The following TRIM59 variants were observed in gnomAD, a reference collection of about 807,000 sequenced individuals.
The protein encoded by TRIM59 is tripartite motif containing 59.
In TRIM59, 14 loss-of-function variants were observed where a neutral mutation model predicts 32.2. The ratio of observed to expected loss-of-function variants is 0.43; its 90% CI spans 0.29 to 0.68. The LOEUF (loss-of-function observed/expected upper bound fraction) is 0.68. Ranked by LOEUF, TRIM59 falls within the 30% of genes least tolerant of loss-of-function variation. TRIM59 has a pLI of 0.15. For synonymous variants in TRIM59, 163 were observed against 155.1 expected, an observed-to-expected ratio of 1.05 and a Z score of -0.38; for missense variants, 471 against 463.3, an observed-to-expected ratio of 1.02 and a Z score of -0.15.
At position 160,437,801 on chromosome 3, in the gene TRIM59, C is replaced by G. The variant is rs1719053880; in HGVS notation, c.*171G>C. On this transcript the variant is annotated 3_prime_UTR_variant, in exon 3 of 3. Coordinates refer to ENST00000309784, the MANE Select transcript of TRIM59 (RefSeq NM_173084.3). The stretch of plus-strand genomic sequence containing the variant: ...CTGTTTCCCAAAGATTTGACTATTT[C>G]AGATATAACTTTGACATATCATTGC... The G allele has an allele frequency of 8.0e-7, 1 of 1,255,554 alleles. No homozygotes were observed. Among genetic ancestry groups the G allele is most frequent in the Non-Finnish European group, 1.0e-6 (1 of 1,002,378 alleles). 77.8% of individuals were successfully genotyped at this position (1,255,554 alleles called of 1,614,324 possible). A position where few individuals can be genotyped will look rare whatever the true frequency, so the allele number is the denominator to read the frequency against.
intron 2 of TRIM59, among the ~76,000 whole-genome samples, chr3:160,442,558 GA>G (rs879824298): frequency 8.7e-4 from 121 of 139,050 alleles, no homozygotes; most frequent in East Asian, 7.3e-3. Flanking sequence ...TCAAAAAAAG[GA>G]AAAAAAAAAA....
At chr3:160,445,256 A>C (rs1296772880) in intron 2 of TRIM59, among the ~76,000 whole-genome samples, 1 of 152,084 alleles carries the variant, frequency 6.6e-6, no homozygotes, top group South Asian at 2.1e-4. Context: ...CTCTACAAAA[A>C]ATAAAAAACT....
In TRIM59 at chr3:160,448,718, T is replaced by C; in HGVS notation, c.-4+8A>G. 7.9e-7 allele frequency: 1 copy of C among 1,271,888 alleles called. No homozygotes were observed. The highest frequency in any genetic ancestry group is 1.0e-6 in the Non-Finnish European group (1 of 974,690). The allele number at this position is 1,271,888 out of a possible 1,614,324, so 78.8% of individuals were successfully genotyped here. ...TTTCATATTTATTTAATCTCCCAGA[T>C]TACCTACTTTGTTGATCTCGTGGTT... is the stretch of plus-strand genomic sequence containing the variant. On this transcript the variant is annotated splice_region_variant and intron_variant, in intron 2 of 2. Transcript: ENST00000309784.
Position 160,438,606 on chromosome 3 carries a change from T to C in TRIM59, c.578A>G (p.Asn193Ser), listed in dbSNP as rs1719096049. Residue 193 changes from asparagine to serine, a missense_variant, in exon 3 of 3, where the codon AAT becomes AGT. Transcript: ENST00000309784. Reference protein sequence around the residue: ...EAVLQYFKELNDTLEQKKKSF... With the variant: ...EAVLQYFKELSDTLEQKKKSF... ...TTTTTTTTTCTGTTCTAATGTATCA[T>C]TAAGCTCCTTAAAATACTGGAGAAC... 1.2e-6 allele frequency: 2 copies of C among 1,612,204 alleles called. No individual in the cohort carries two copies. The highest frequency in any genetic ancestry group is 8.5e-7 in the Non-Finnish European group (1 of 1,179,580).
At position 160,435,938 on chromosome 3, in the gene TRIM59, A is replaced by T. The variant is rs1014212460; in HGVS notation, c.*2034T>A. On this transcript the variant is annotated 3_prime_UTR_variant, in exon 3 of 3. Transcript: ENST00000309784. ...ATATTCACATCACAGAAATGAGATT[A>T]AGTAGTTTAACACATAATGGCTAAC... is the stretch of plus-strand genomic sequence containing the variant. 5.5e-6 allele frequency: 7 copies of T among 1,284,158 alleles called. No individual in the cohort carries two copies. The African/African-American group carries it at 9.1e-5, about 17-fold the overall frequency. 79.5% of individuals were successfully genotyped at this position (1,284,158 alleles called of 1,614,324 possible).
intron 2 of TRIM59, 50 bp from the exon 3 acceptor site, chr3:160,439,236 A>G (rs1395116228): frequency 7.2e-7 from 1 of 1,392,272 alleles, no homozygotes; most frequent in Non-Finnish European, 9.4e-7. Context: ...ACCTGTACAT[A>G]TTATTTAACA....
intron 2 of TRIM59, among the ~76,000 whole-genome samples, chr3:160,442,243 C>T (rs2108517534): frequency 6.6e-6 from 1 of 152,238 alleles, no homozygotes; most frequent in East Asian, 1.9e-4. Context: ...TAGGGAACAA[C>T]TCTGAGAATG....
intron 2 of TRIM59, among the ~76,000 whole-genome samples, chr3:160,441,338 A>C (rs1425141951): frequency 6.6e-6 from 1 of 152,220 alleles, no homozygotes; most frequent in African/African-American, 2.4e-5. Flanking sequence ...GCTTCAATGA[A>C]CAAATGCCTT....
intron 2 of TRIM59, among the ~76,000 whole-genome samples, chr3:160,443,124 G>GA (rs139762075): frequency 2.1e-3 from 308 of 148,030 alleles, no homozygotes; most frequent in African/African-American, 6.5e-3. Flanking sequence ...GCCTTTTTTA[G>GA]AAAAAAAAAA....
intron 2 of TRIM59, among the ~76,000 whole-genome samples, chr3:160,445,795 T>A (rs947010987): frequency 4.8e-5 from 7 of 145,108 alleles, no homozygotes; most frequent in Non-Finnish European, 1.1e-4. Context: ...AAAAAAAAAA[T>A]TGCTAGAACT....
intron 2 of TRIM59, among the ~76,000 whole-genome samples, chr3:160,441,212 T>G (rs1002189457): frequency 3.9e-5 from 6 of 152,206 alleles, no homozygotes; most frequent in African/African-American, 1.2e-4. Context: ...TTTTGTAACT[T>G]TTCTGTATAC....
intron 2 of TRIM59, among the ~76,000 whole-genome samples, chr3:160,448,106 C>G (rs1719626992): frequency 6.6e-6 from 1 of 152,020 alleles, no homozygotes; most frequent in Non-Finnish European, 1.5e-5. Flanking sequence ...ATTTTGATAT[C>G]AACCTGTTTC....
chr3:160,440,904 C>T lies in TRIM59; in HGVS notation c.-3-1718G>A, dbSNP rs780378470. 4.6e-5 allele frequency among the ~76,000 whole-genome samples: 7 copies of T among 151,970 alleles called. No homozygotes were observed. In the South Asian group the frequency reaches 8.3e-4, roughly 18 times the overall value. ...CATCTGGACAACAAGAGCGAAACTC[C>T]GTCTCAAAAAAAATAAACACCCAAG... On this transcript the variant is annotated intron_variant, in intron 2 of 2. Coordinates refer to ENST00000309784, the MANE Select transcript of TRIM59 (RefSeq NM_173084.3).
rs779778804 is a variant in TRIM59, at chr3:160,438,019, T to C, written c.1165A>G (p.Ile389Val). ...ACAAATTCCTTCAACAAATAGAAAA[T>C]GTGACACAGTATATTCTTTACCTTA... ...LHKVKNILCH[I>V]FYLLKEFVWK... Residue 389 changes from isoleucine to valine, a missense_variant, in exon 3 of 3, where the codon ATT becomes GTT. Transcript: ENST00000309784. 2.6e-5 allele frequency: 41 copies of C among 1,565,092 alleles called. No individual in the cohort carries two copies. In the South Asian group the frequency reaches 3.7e-4, roughly 14 times the overall value.
chr3:160,437,473 T>G lies in TRIM59; in HGVS notation c.*499A>C. ...AATCTATCTCAAACACAGGTATGTTTGATCAAAAGATCTTTAAGCCATGCC... is the reference window on the plus strand; with the variant it reads ...AATCTATCTCAAACACAGGTATGTTGGATCAAAAGATCTTTAAGCCATGCC... On this transcript the variant is annotated 3_prime_UTR_variant, in exon 3 of 3. Transcript: ENST00000309784. 1.0e-6 allele frequency: 1 copy of G among 985,458 alleles called. No homozygotes were observed. Among genetic ancestry groups the G allele is most frequent in the Non-Finnish European group, 1.2e-6 (1 of 829,920 alleles). 61.0% of individuals were successfully genotyped at this position (985,458 alleles called of 1,614,324 possible). A position where few individuals can be genotyped will look rare whatever the true frequency, so the allele number is the denominator to read the frequency against.
chr3:160,449,667 A>G, intron 1 of TRIM59, 50 bp downstream of exon 1: 2 of 1,289,704 alleles, frequency 1.6e-6, no homozygotes, highest in Non-Finnish European at 1.0e-6. Flanking sequence ...AGGAAAAGAA[A>G]AAGGACTCAG....
At position 160,437,010 on chromosome 3, in the gene TRIM59, AAAAC is replaced by A. The variant is rs535037015; in HGVS notation, c.*958_*961del. 195 of 985,238 alleles carry A rather than the reference AAAAC, an allele frequency of 2.0e-4. No individual in the cohort carries two copies. The highest frequency in any genetic ancestry group is 1.8e-3 in the African/African-American group (105 of 57,288). The allele number at this position is 985,238 out of a possible 1,614,324, so 61.0% of individuals were successfully genotyped here. A position where few individuals can be genotyped will look rare whatever the true frequency, so the allele number is the denominator to read the frequency against. On this transcript the variant is annotated 3_prime_UTR_variant, in exon 3 of 3. Coordinates refer to ENST00000309784, the MANE Select transcript of TRIM59 (RefSeq NM_173084.3). ...CTGATTTGACTGACGAGCAGAAAAA[AAAAC>A]AATCTTAAATTTGCACAAACTATAG... is the stretch of plus-strand genomic sequence containing the variant.
intron 1 of TRIM59, 82 bp from the exon 2 acceptor site, chr3:160,448,877 G>C: frequency 1.4e-6 from 1 of 710,146 alleles, no homozygotes; most frequent in Non-Finnish European, 2.0e-6. Flanking sequence ...CACTGTCTTT[G>C]ATATTTATCT....
Position 160,438,436 on chromosome 3 carries a change from A to C in TRIM59, c.748T>G (p.Phe250Val). The change falls in exon 3 of 3, where the codon TTT becomes GTT. Residue 250 changes from phenylalanine to valine, a missense_variant. Phe to Val is a conservative substitution (Grantham distance 50). Coordinates refer to ENST00000309784, the MANE Select transcript of TRIM59 (RefSeq NM_173084.3). ...CGTACATCATCAACTTTTTCAAGAA[A>C]TTTAAGTGGAGACTCTTCTTGTAAA... ...ISLQEESPLK[F>V]LEKVDDVRQH... 1 of 1,614,028 alleles carries C rather than the reference A, an allele frequency of 6.2e-7. No individual in the cohort carries two copies. The highest frequency in any genetic ancestry group is 1.3e-5 in the African/African-American group (1 of 75,060).
Sources: allele counts gnomAD v4.1 joint callset (sites outside exome capture counted in the v4.1 genomes callset), GRCh38; gene constraint gnomAD v4.1.1; transcripts MANE v1.5; gene names NCBI Gene and HGNC (gene_info 2026-07-23, HGNC 2026-07-21).